The following VIRMA variants were observed in gnomAD, a reference collection of about 807,000 sequenced individuals.
VIRMA encodes vir like m6A methyltransferase associated.
VIRMA carries 65 observed loss-of-function variants against 182.4 expected under a neutral mutation model. That is an observed-to-expected ratio of 0.36 (90% CI 0.29 to 0.44). The LOEUF (loss-of-function observed/expected upper bound fraction) is 0.44. Ranked by LOEUF, VIRMA falls within the 20% of genes least tolerant of loss-of-function variation. VIRMA has a pLI of 1.00. For synonymous variants in VIRMA, 709 were observed against 743.1 expected (o/e 0.95, Z 0.75); for missense variants, 1,752 against 2,158.1 (o/e 0.81, Z 3.73).
Position 94,526,812 on chromosome 8 carries a change from G to A in VIRMA, c.1432C>T (p.Leu478=), listed in dbSNP as rs751875143. 1 of 1,614,164 alleles carries A rather than the reference G, an allele frequency of 6.2e-7. No homozygotes were observed. Among genetic ancestry groups the A allele is most frequent in the Admixed American group, 1.7e-5 (1 of 60,016 alleles). ...AATCCACTGATCACTCCTGCTTGTA[G>A]CAGTCCTGTAACTCCTTGAGCCCCA... ...ECGAQGVTGL[L]QAGVISGLFE... The change falls in exon 8 of 24, where the codon CTA becomes TTA. Residue 478 remains leucine (L), a synonymous_variant. Transcript: ENST00000297591.
intron 16 of VIRMA, among the ~76,000 whole-genome samples, 185 bp from the exon 17 acceptor site, chr8:94,499,691 T>C (rs1813901142): frequency 6.6e-6 from 1 of 152,136 alleles, no homozygotes; most frequent in Non-Finnish European, 1.5e-5. Context: ...TACCAACTCC[T>C]TTTAAAGCTA....
intron 16 of VIRMA, among the ~76,000 whole-genome samples, chr8:94,500,874 C>T (rs1280726344): frequency 6.6e-6 from 1 of 152,032 alleles, no homozygotes; most frequent in Admixed American, 6.6e-5. Flanking sequence ...ATAAGAACTA[C>T]ATGACTCTAA....
chr8:94,520,435 C>T (rs1052268322), intron 8 of VIRMA, among the ~76,000 whole-genome samples: 15 of 151,990 alleles, frequency 9.9e-5, no homozygotes, highest in Admixed American at 8.5e-4. Flanking sequence ...GTTGAGGCTG[C>T]AGAAAGCCAA....
chr8:94,493,748 CA>C (rs879534828), intron 20 of VIRMA, among the ~76,000 whole-genome samples: 4 of 152,054 alleles, frequency 2.6e-5, no homozygotes, highest in Admixed American at 6.6e-5. Context: ...AAATGTGAAG[CA>C]AATCATTCTC....
intron 3 of VIRMA, 94 bp downstream of exon 3, chr8:94,538,166 C>G (rs1230709405): frequency 2.4e-6 from 2 of 831,786 alleles, no homozygotes; most frequent in Non-Finnish European, 4.1e-6. Flanking sequence ...GGTCTACCAG[C>G]AGATACATCC....
intron 2 of VIRMA, among the ~76,000 whole-genome samples, chr8:94,539,810 T>C (rs554568767): frequency 2.6e-5 from 4 of 152,192 alleles, no homozygotes; most frequent in Non-Finnish European, 4.4e-5. Context: ...TCTGCCCTCA[T>C]GAATGAATGA....
At chr8:94,524,299 G>C (rs571610356) in intron 8 of VIRMA, among the ~76,000 whole-genome samples, 2 of 136,484 alleles carry the variant, frequency 1.5e-5, no homozygotes, top group East Asian at 2.1e-4. Flanking sequence ...ATGCCTGGCC[G>C]GTGTTTGTTT....
chr8:94,550,449 C>T (rs1398702137), intron 1 of VIRMA, among the ~76,000 whole-genome samples: 1 of 152,026 alleles, frequency 6.6e-6, no homozygotes, highest in Non-Finnish European at 1.5e-5. Flanking sequence ...CCTGCCACCA[C>T]GCTCGGCTAT....
chr8:94,510,393 A>T (rs777624417), intron 14 of VIRMA, 24 bp downstream of exon 14: 40 of 1,584,296 alleles, frequency 2.5e-5, no homozygotes, highest in Middle Eastern at 1.7e-4. Context: ...TGAGGAAAAA[A>T]TTTTTAATGC....
chr8:94,546,976 T>G (rs1282960834), intron 1 of VIRMA: 1 of 455,300 alleles, frequency 2.2e-6, no homozygotes, highest in Non-Finnish European at 4.4e-6. Context: ...CTCATGATGT[T>G]CTCTCTGCTT....
intron 1 of VIRMA, among the ~76,000 whole-genome samples, chr8:94,550,870 C>T (rs568175870): frequency 2.6e-5 from 4 of 152,046 alleles, no homozygotes; most frequent in Non-Finnish European, 2.9e-5. Flanking sequence ...AGACGCACAC[C>T]GCCACGCCCA....
rs1206427332 is a variant in VIRMA at position 94,506,601 on chromosome 8, A to G, written c.3996T>C (p.Ala1332=). 20 of 1,613,686 alleles carry G rather than the reference A, an allele frequency of 1.2e-5. No homozygotes were observed. Among genetic ancestry groups the G allele is most frequent in the Non-Finnish European group, 1.7e-5 (20 of 1,179,718 alleles). Residue 1332 remains alanine, a synonymous_variant, in exon 16 of 24, where the codon GCT becomes GCC. Coordinates refer to ENST00000297591, the MANE Select transcript of VIRMA (RefSeq NM_015496.5). ...AACTGCTCTCAGAGTTAGCTAGCGTAGCCAACAGACAGTCACAGATTGAGG... is the reference window on the plus strand; with the variant it reads ...AACTGCTCTCAGAGTTAGCTAGCGTGGCCAACAGACAGTCACAGATTGAGG... ...LMTSICDCLL[A]TLANSESSYN... is the part of the protein sequence containing the mutation.
chr8:94,490,321 A>C, intron 22 of VIRMA: 3 of 474,546 alleles, frequency 6.3e-6, no homozygotes, highest in Non-Finnish European at 7.4e-6. Context: ...GCTGACTGAC[A>C]ATTTTCTCTT....
In VIRMA at chr8:94,541,866, C is replaced by T. The variant is rs191972451; in HGVS notation, c.179+1961G>A. Among the ~76,000 whole-genome samples, 9 of 152,134 alleles carry T rather than the reference C, an allele frequency of 5.9e-5. No homozygotes were observed. In the East Asian group the frequency reaches 1.5e-3, roughly 26 times the overall value. On this transcript the variant is annotated intron_variant, in intron 2 of 23. Coordinates refer to ENST00000297591, the MANE Select transcript of VIRMA (RefSeq NM_015496.5). The stretch of plus-strand genomic sequence containing the variant: ...CCTCACTCTTACATTTGTTTTACTG[C>T]GTTAATACTTTATTTTACTGTTCTG...
At chr8:94,547,087 C>T in intron 1 of VIRMA, 1 of 447,230 alleles carries the variant, frequency 2.2e-6, no homozygotes, top group Non-Finnish European at 4.5e-6. Flanking sequence ...CCTCCTAGTG[C>T]CTAAAGTCCT....
At chr8:94,522,870 G>A (rs2130338848) in intron 8 of VIRMA, among the ~76,000 whole-genome samples, 1 of 152,156 alleles carries the variant, frequency 6.6e-6, no homozygotes. Flanking sequence ...TATCAGATCT[G>A]CTACTCCAAA....
At chr8:94,492,463 T>A (rs1813636735) in intron 21 of VIRMA, among the ~76,000 whole-genome samples, 189 bp downstream of exon 21, 2 of 151,940 alleles carry the variant, frequency 1.3e-5, no homozygotes, top group South Asian at 2.1e-4. Flanking sequence ...TTTTTTTTTT[T>A]ATTTTTAGTA....
chr8:94,502,423 T>C (rs1814020868), intron 16 of VIRMA, among the ~76,000 whole-genome samples: 1 of 151,360 alleles, frequency 6.6e-6, no homozygotes, highest in South Asian at 2.1e-4. Context: ...AATAAATTTA[T>C]TGTTTTAAAA....
chr8:94,548,230 T>A (rs943154023), intron 1 of VIRMA, among the ~76,000 whole-genome samples: 14 of 150,850 alleles, frequency 9.3e-5, no homozygotes, highest in African/African-American at 3.0e-4. Flanking sequence ...AAAGAAAATT[T>A]AAAAAAATAA....
Sources: gnomAD v4.1 joint callset for allele counts (sites outside exome capture counted in the v4.1 genomes callset) on GRCh38, gnomAD v4.1.1 for gene constraint, MANE v1.5 for transcripts, NCBI Gene and HGNC (gene_info 2026-07-23, HGNC 2026-07-21) for gene names.